PNPLA1: variants seen among roughly 807,000 people sequenced by gnomAD.
PNPLA1 encodes patatin like domain 1, omega-hydroxyceramide transacylase, also known as omega-hydroxyceramide transacylase.
PNPLA1 carries 36 observed loss-of-function variants against 51.7 expected under a neutral mutation model. That is an observed-to-expected ratio of 0.70 (90% CI 0.53 to 0.92). The LOEUF (loss-of-function observed/expected upper bound fraction) is 0.92. Among genes scored for constraint, PNPLA1 ranks in the 40% least tolerant of loss-of-function variants. The pLI is 0.00. For missense variants in PNPLA1, 658 were observed against 682.5 expected (o/e 0.96, Z 0.40); for synonymous variants, 293 against 280.1 (o/e 1.05, Z -0.46).
In PNPLA1 at chr6:36,294,320, G is replaced by A. The variant is rs192997629; in HGVS notation, c.635G>A (p.Arg212His). 13 of 1,614,180 alleles carry A rather than the reference G, an allele frequency of 8.1e-6. No homozygotes were observed. Among genetic ancestry groups the A allele is most frequent in the African/African-American group, 4.0e-5 (3 of 75,050 alleles). The change falls in exon 4 of 9, where the codon CGC becomes CAC. Residue 212 changes from arginine to histidine, a missense_variant. Arg to His is a conservative substitution (Grantham distance 29). Coordinates refer to ENST00000636260, the MANE Select transcript of PNPLA1 (RefSeq NM_001374623.1). This position sits in a 1 kb window ranked among gnomAD's most constrained non-coding sequence, Gnocchi z 4.2. Reference protein sequence around the residue: ...RDCPAIFHDFRMFNCSFQFSL... With the variant: ...RDCPAIFHDFHMFNCSFQFSL... ...TGCCCGGCCATCTTCCACGACTTCC[G>A]CATGTTCAACTGCTCCTTCCAGTTC...
chr6:36,291,157 G>A (rs917878582), intron 1 of PNPLA1, among the ~76,000 whole-genome samples, 163 bp from the exon 2 acceptor site: 1 of 152,212 alleles, frequency 6.6e-6, no homozygotes, highest in African/African-American at 2.4e-5. Context: ...CTTCCGTCAT[G>A]TGCAAGACAG....
chr6:36,293,458 A>G (rs1582082635), intron 3 of PNPLA1, among the ~76,000 whole-genome samples: 1 of 152,096 alleles, frequency 6.6e-6, no homozygotes, highest in East Asian at 1.9e-4. Flanking sequence ...AATGATGAGG[A>G]TGTTTTCTGA....
In PNPLA1 at chr6:36,270,266, C is replaced by T. The variant is rs1251198023; in HGVS notation, c.-194C>T. 1.3e-5 allele frequency among the ~76,000 whole-genome samples: 2 copies of T among 152,254 alleles called. No individual in the cohort carries two copies. The highest frequency in any genetic ancestry group is 2.4e-5 in the African/African-American group (1 of 41,458). The stretch of plus-strand genomic sequence containing the variant: ...TCCAACCTTTGGAGTTGCCTCCTGG[C>T]GGAGCTTAACAGGCTGAGGCAGCTT... On this transcript the variant is annotated 5_prime_UTR_variant, in exon 1 of 9. Transcript: ENST00000636260.
At position 36,294,275 on chromosome 6, in the gene PNPLA1, A is replaced by T; in HGVS notation, c.590A>T (p.Gln197Leu). 1 of 1,614,252 alleles carries T rather than the reference A, an allele frequency of 6.2e-7. No homozygotes were observed. The highest frequency in any genetic ancestry group is 8.5e-7 in the Non-Finnish European group (1 of 1,180,038). Residue 197 changes from glutamine to leucine, a missense_variant, in exon 4 of 9, where the codon CAG becomes CTG. By Grantham distance (113) the Gln-to-Leu change is moderately radical (BLOSUM62 -2). Coordinates refer to ENST00000636260, the MANE Select transcript of PNPLA1 (RefSeq NM_001374623.1). This position sits in a 1 kb window ranked among gnomAD's most constrained non-coding sequence, Gnocchi z 4.2. ...ACCATCTCCACCTTCAGTGGGCAGC[A>T]GGACATCTGTCCCCGGGACTGCCCG... ...AITISTFSGQ[Q>L]DICPRDCPAI... is the part of the protein sequence containing the mutation.
chr6:36,252,745 G>A (rs1769450422), intron 1 of PNPLA1, among the ~76,000 whole-genome samples: 1 of 152,176 alleles, frequency 6.6e-6, no homozygotes, highest in Non-Finnish European at 1.5e-5. Flanking sequence ...AGATCTGAGT[G>A]GATAGAAGAG....
chr6:36,266,330 G>A (rs1320895676), upstream of PNPLA1, among the ~76,000 whole-genome samples: 2 of 152,172 alleles, frequency 1.3e-5, no homozygotes, highest in East Asian at 1.9e-4. Flanking sequence ...AGGGTAAATC[G>A]TCATGAAGCA....
intron 5 of PNPLA1, among the ~76,000 whole-genome samples, chr6:36,298,404 C>A (rs1458607146): frequency 6.7e-6 from 1 of 150,240 alleles, no homozygotes; most frequent in Non-Finnish European, 1.5e-5. Flanking sequence ...GTTTAACATA[C>A]ATACACAAAT....
intron 8 of PNPLA1, among the ~76,000 whole-genome samples, chr6:36,309,127 G>C (rs893587629): frequency 3.3e-5 from 5 of 152,198 alleles, no homozygotes; most frequent in Admixed American, 1.3e-4. Flanking sequence ...TCACCCGGCG[G>C]CCAAAGGCTC....
At chr6:36,247,002 G>A (rs1435140013) in intron 1 of PNPLA1, among the ~76,000 whole-genome samples, 2 of 152,018 alleles carry the variant, frequency 1.3e-5, no homozygotes, top group Admixed American at 6.6e-5. Context: ...CTCCCATCTC[G>A]CGTCCTCTCT....
In PNPLA1 at chr6:36,307,615, G is replaced by T; in HGVS notation, c.1498G>T (p.Val500Leu). The T allele has an allele frequency of 1.9e-6, 3 of 1,613,710 alleles. No homozygotes were observed. Among genetic ancestry groups the T allele is most frequent in the East Asian group, 2.2e-5 (1 of 44,850 alleles). The change falls in exon 8 of 9, where the codon GTG (valine) becomes TTG (leucine). Residue 500 changes from valine to leucine, a missense_variant. Transcript: ENST00000636260. Reference sequence around the variant, plus strand: ...GAGCCCTGCTGAAGACTCAAACTGGGTGAATAAGGTCTTCAAGAAGAACAA... The same window carrying T: ...GAGCCCTGCTGAAGACTCAAACTGGTTGAATAAGGTCTTCAAGAAGAACAA... Reference protein sequence around the residue: ...TESPAEDSNWVNKVFKKNKQK... With the variant: ...TESPAEDSNWLNKVFKKNKQK...
At chr6:36,275,939 C>T (rs1770077056) in intron 1 of PNPLA1, among the ~76,000 whole-genome samples, 1 of 141,690 alleles carries the variant, frequency 7.1e-6, no homozygotes, top group Non-Finnish European at 1.5e-5. Context: ...ACCTTTTTTA[C>T]CTATGGCATT....
intron 7 of PNPLA1, among the ~76,000 whole-genome samples, chr6:36,306,720 A>T (rs1258756894): frequency 6.6e-6 from 1 of 152,150 alleles, no homozygotes; most frequent in Non-Finnish European, 1.5e-5. Flanking sequence ...GCCTGCAGGC[A>T]TCCTACCTCC....
At chr6:36,245,667 C>T (rs761593183) in intron 1 of PNPLA1, among the ~76,000 whole-genome samples, 8 of 152,242 alleles carry the variant, frequency 5.3e-5, no homozygotes, top group Non-Finnish European at 8.8e-5. Flanking sequence ...GAGCTGCATC[C>T]GCTCTTCTGT....
chr6:36,250,563 A>C (rs1428973093), intron 1 of PNPLA1, among the ~76,000 whole-genome samples: 1 of 152,178 alleles, frequency 6.6e-6, no homozygotes, highest in Non-Finnish European at 1.5e-5. Context: ...TGTCTCATAC[A>C]TCATTCAACA....
At chr6:36,282,754 C>G (rs985525004) in intron 1 of PNPLA1, among the ~76,000 whole-genome samples, 20 of 152,162 alleles carry the variant, frequency 1.3e-4, no homozygotes, top group African/African-American at 3.6e-4. Context: ...GACAAGATCT[C>G]AGCTCACTGC....
At chr6:36,302,807 A>T (rs1177919974) in intron 6 of PNPLA1, among the ~76,000 whole-genome samples, 1 of 152,070 alleles carries the variant, frequency 6.6e-6, no homozygotes, top group Non-Finnish European at 1.5e-5. Context: ...CCTTTTTTAC[A>T]AGCCCTCCAG....
At chr6:36,276,211 G>A (rs370578866) in intron 1 of PNPLA1, among the ~76,000 whole-genome samples, 52 of 152,076 alleles carry the variant, frequency 3.4e-4, no homozygotes, top group African/African-American at 1.2e-3. Flanking sequence ...CACCCACCTC[G>A]GCCTCCCAAA....
chr6:36,277,209 G>T (rs1023663093), intron 1 of PNPLA1, among the ~76,000 whole-genome samples: 2 of 152,200 alleles, frequency 1.3e-5, no homozygotes, highest in Non-Finnish European at 2.9e-5. Context: ...GAAAGGCGTT[G>T]CCTTTCCTGT....
intron 1 of PNPLA1, among the ~76,000 whole-genome samples, chr6:36,243,719 G>T (rs973794374): frequency 2.6e-5 from 4 of 152,152 alleles, no homozygotes; most frequent in African/African-American, 9.7e-5. Flanking sequence ...TTTGACTCAA[G>T]ACACTCACCT....
Sources: gnomAD v4.1 joint callset for allele counts (sites outside exome capture counted in the v4.1 genomes callset) on GRCh38, gnomAD v4.1.1 for gene constraint, Gnocchi (gnomAD v3.1) non-coding constraint, MANE v1.5 for transcripts, NCBI Gene and HGNC (gene_info 2026-07-23, HGNC 2026-07-21) for gene names.